INPP5A: variants seen among roughly 807,000 people sequenced by gnomAD.
The protein encoded by INPP5A is 43 kDa inositol polyphosphate 5-phophatase.
A neutral mutation model predicts 65.2 loss-of-function variants in INPP5A; 14 were observed. The observed-to-expected ratio is 0.21, with a 90% CI of 0.14 to 0.34. INPP5A has a LOEUF of 0.34. Ranked by LOEUF, INPP5A falls within the 10% of genes least tolerant of loss-of-function variation. INPP5A has a pLI of 1.00. For missense variants in INPP5A, 431 were observed against 545.6 expected, an observed-to-expected ratio of 0.79 and a Z score of 2.09; for synonymous variants, 207 against 208.3, an observed-to-expected ratio of 0.99 and a Z score of 0.05.
chr10:132,647,104 A>AT lies in INPP5A; in HGVS notation c.218+1146dup, dbSNP rs112565486. ...CCCAAAATAATCTGTAATTTAAGGC[A>AT]TTTTTTTTTTCTTTTTTTTTTTTTG... On this transcript the variant is annotated intron_variant, in intron 3 of 15. Transcript: ENST00000368594. Among the ~76,000 whole-genome samples, 185 of 145,970 alleles carry AT rather than the reference A, an allele frequency of 1.3e-3. 1 individual carries two copies. The highest frequency in any genetic ancestry group is 2.2e-3 in the South Asian group (10 of 4,612).
rs1173257568 is a variant in INPP5A, at chr10:132,717,583, G to A, written c.647+7127G>A. Among the ~76,000 whole-genome samples, 11 of 151,134 alleles carry A rather than the reference G, an allele frequency of 7.3e-5. 2 individuals carry two copies. The highest frequency in any genetic ancestry group is 7.2e-4 in the Admixed American group (11 of 15,258). On this transcript the variant is annotated intron_variant, in intron 8 of 15. Transcript: ENST00000368594. ...CTGTCTGAGGGCGCCTTAGACGGCT[G>A]TCTTGTGGGTTCTGTGGTACCTGGG...
rs1490182300 is a variant in INPP5A at position 132,698,226 on chromosome 10, G to C, written c.474+307G>C. Among the ~76,000 whole-genome samples the C allele has an allele frequency of 6.6e-6, 1 of 152,134 alleles. No homozygotes were observed. The highest frequency in any genetic ancestry group is 1.5e-5 in the Non-Finnish European group (1 of 68,034). ...TTCAGCTCCCTTGGCGTGCACCTGG[G>C]GTCTCCCGCACGCCCAGCTGGGAGA... On this transcript the variant is annotated intron_variant, in intron 6 of 15. Transcript: ENST00000368594. The surrounding 1 kb of genome is among the most constrained non-coding windows in gnomAD (Gnocchi z 5.5).
chr10:132,767,776 T>C (rs1479214154), intron 12 of INPP5A, among the ~76,000 whole-genome samples: 3 of 145,554 alleles, frequency 2.1e-5, no homozygotes, highest in Non-Finnish European at 4.5e-5. Context: ...GAAAGATCCG[T>C]GGACCCCGAC....
rs146092820 is a variant in INPP5A at position 132,775,761 on chromosome 10, G to A, written c.978-1910G>A. On this transcript the variant is annotated intron_variant, in intron 12 of 15. Coordinates refer to ENST00000368594, the MANE Select transcript of INPP5A (RefSeq NM_005539.5). ...CTCATCCCCAGAGCCCAGTCTGTCT[G>A]AGCAGCAATGCCCATCAGACCCTGT... Among the ~76,000 whole-genome samples, 538 of 152,272 alleles carry A rather than the reference G, an allele frequency of 3.5e-3. 2 individuals carry two copies. Among genetic ancestry groups the A allele is most frequent in the Admixed American group, 8.3e-3 (127 of 15,304 alleles).
intron 3 of INPP5A, among the ~76,000 whole-genome samples, chr10:132,647,692 C>T (rs1047688989): frequency 1.5e-4 from 23 of 152,084 alleles, no homozygotes; most frequent in African/African-American, 5.1e-4. Context: ...CAGACCCTCG[C>T]GGCTGCCTTG....
At chr10:132,759,073 C>T (rs1376875713) in intron 11 of INPP5A, among the ~76,000 whole-genome samples, 1 of 152,230 alleles carries the variant, frequency 6.6e-6, no homozygotes, top group Non-Finnish European at 1.5e-5. Flanking sequence ...AGGCGGAGTT[C>T]TGATTTCCAG....
chr10:132,659,607 C>T lies in INPP5A; in HGVS notation c.306+9102C>T, dbSNP rs2072707767. Among the ~76,000 whole-genome samples, 1 of 152,232 alleles carries T rather than the reference C, an allele frequency of 6.6e-6. No individual in the cohort carries two copies. Among genetic ancestry groups the T allele is most frequent in the African/African-American group, 2.4e-5 (1 of 41,460 alleles). On this transcript the variant is annotated intron_variant, in intron 4 of 15. Transcript: ENST00000368594. This position sits in a 1 kb window ranked among gnomAD's most constrained non-coding sequence, Gnocchi z 5.5. ...CAGCTGCTGCACAGCCATGGGTATT[C>T]TGTGCTGAGCGCCGTGGCTGATGCA...
At chr10:132,655,271 T>G (rs917129784) in intron 4 of INPP5A, among the ~76,000 whole-genome samples, 1 of 152,198 alleles carries the variant, frequency 6.6e-6, no homozygotes, top group African/African-American at 2.4e-5. Flanking sequence ...TGGGAACACA[T>G]GTCCACCCAC....
rs553257224 is a variant in INPP5A, at chr10:132,619,575, ACT to A, written c.117+11624_117+11625del. 6.7e-5 allele frequency among the ~76,000 whole-genome samples: 10 copies of A among 148,320 alleles called. No homozygotes were observed. The South Asian group carries it at 2.0e-3, about 29-fold the overall frequency. On this transcript the variant is annotated intron_variant, in intron 2 of 15. Coordinates refer to ENST00000368594, the MANE Select transcript of INPP5A (RefSeq NM_005539.5). Reference sequence around the variant, plus strand: ...TCCACTATGCAGTGCACTGCTGGGGACTCTCTGTGGGAGCTTTAACCCCACAT... The same window carrying A: ...TCCACTATGCAGTGCACTGCTGGGGACTCTGTGGGAGCTTTAACCCCACAT...
intron 1 of INPP5A, among the ~76,000 whole-genome samples, chr10:132,574,312 TG>T (rs1383648070): frequency 3.5e-5 from 5 of 142,124 alleles, no homozygotes; most frequent in Non-Finnish European, 7.6e-5. Flanking sequence ...GTTGAGATTT[TG>T]GGTTGTACGT....
chr10:132,736,607 C>T (rs1379952168), intron 9 of INPP5A, among the ~76,000 whole-genome samples: 1 of 152,222 alleles, frequency 6.6e-6, no homozygotes, highest in Non-Finnish European at 1.5e-5. Context: ...AGGCAGGATC[C>T]CAGCACCTGC....
In INPP5A at chr10:132,782,190, G is replaced by A. The variant is rs1030877549; in HGVS notation, c.*161G>A. On this transcript the variant is annotated 3_prime_UTR_variant, in exon 16 of 16. Transcript: ENST00000368594. This position sits in a 1 kb window ranked among gnomAD's most constrained non-coding sequence, Gnocchi z 4.4. ...TTCGCTTCAGCCTCCGGACCATTCC[G>A]GAGCAGCCTCACATACCTCACTGTC... The A allele has an allele frequency of 2.1e-5, 24 of 1,134,176 alleles. No individual in the cohort carries two copies. Among genetic ancestry groups the A allele is most frequent in the African/African-American group, 3.1e-5 (2 of 64,250 alleles). 70.3% of individuals were successfully genotyped at this position (1,134,176 alleles called of 1,614,324 possible). A position where few individuals can be genotyped will look rare whatever the true frequency, so the allele number is the denominator to read the frequency against.
chr10:132,556,267 T>A (rs73395342), intron 1 of INPP5A, among the ~76,000 whole-genome samples: 5,524 of 152,078 alleles, frequency 0.036, 315 homozygotes, highest in African/African-American at 0.12. Context: ...TGAAATTTGC[T>A]CCACCGAGTG....
chr10:132,673,372 G>T (rs143891439), intron 4 of INPP5A, among the ~76,000 whole-genome samples: 166 of 152,310 alleles, frequency 1.1e-3, no homozygotes, highest in African/African-American at 3.8e-3. Context: ...TTCCACCCTT[G>T]ATTCCCGGAC....
intron 11 of INPP5A, among the ~76,000 whole-genome samples, chr10:132,754,408 C>T (rs574190860): frequency 2.4e-4 from 37 of 152,290 alleles, no homozygotes; most frequent in African/African-American, 7.9e-4. Context: ...GATTCCCAGC[C>T]GGACTGCCCT....
intron 2 of INPP5A, among the ~76,000 whole-genome samples, chr10:132,611,579 T>C (rs1480837371): frequency 1.1e-4 from 12 of 106,596 alleles, no homozygotes; most frequent in South Asian, 3.5e-4. Context: ...GGAGAGGCCC[T>C]GTCAGGGGAG....
At chr10:132,687,203 C>T (rs543815432) in intron 4 of INPP5A, among the ~76,000 whole-genome samples, 4 of 152,382 alleles carry the variant, frequency 2.6e-5, no homozygotes, top group Non-Finnish European at 1.5e-5. Flanking sequence ...CTCGCCCCCA[C>T]AAAGTGCTGG....
intron 9 of INPP5A, among the ~76,000 whole-genome samples, chr10:132,734,460 G>A (rs976027425): frequency 6.6e-6 from 1 of 152,244 alleles, no homozygotes; most frequent in African/African-American, 2.4e-5. Flanking sequence ...AGCATGGCCT[G>A]GGCAGAGTGC....
intron 4 of INPP5A, among the ~76,000 whole-genome samples, chr10:132,688,795 C>T (rs1021889039): frequency 1.4e-5 from 2 of 145,524 alleles, no homozygotes; most frequent in African/African-American, 5.2e-5. Context: ...TGAGCAAGTG[C>T]GTGTGTGCAC....
Sources: gnomAD v4.1 joint callset for allele counts (sites outside exome capture counted in the v4.1 genomes callset) on GRCh38, gnomAD v4.1.1 for gene constraint, Gnocchi (gnomAD v3.1) non-coding constraint, MANE v1.5 for transcripts, NCBI Gene and HGNC (gene_info 2026-07-23, HGNC 2026-07-21) for gene names.